ARK2C: variants seen among roughly 807,000 people sequenced by gnomAD.
The protein encoded by ARK2C is arkadia (RNF111) C-terminal like ring finger ubiquitin ligase 2C, also known as E3 ubiquitin-protein ligase ARK2C.
the ARK2C span, among the ~76,000 whole-genome samples, chr18:46,403,079 T>C: frequency 6.6e-6 from 1 of 152,216 alleles, no homozygotes; most frequent in Non-Finnish European, 1.5e-5. Context: ...CTCCAGCCCT[T>C]AGGCAGCCCC....
At chr18:46,361,535 C>T in the ARK2C span, among the ~76,000 whole-genome samples, 1 of 152,244 alleles carries the variant, frequency 6.6e-6, no homozygotes, top group Non-Finnish European at 1.5e-5. Context: ...CACACGGTTC[C>T]CCTCCACAGT....
chr18:46,375,830 T>C, the ARK2C span, among the ~76,000 whole-genome samples: 3 of 152,096 alleles, frequency 2.0e-5, no homozygotes, highest in Non-Finnish European at 4.4e-5. Context: ...GGACTCTGCT[T>C]ACATCAAACA....
chr18:46,414,550 C>T, the ARK2C span, among the ~76,000 whole-genome samples: 808 of 152,350 alleles, frequency 5.3e-3, 7 homozygotes, highest in African/African-American at 0.019. Context: ...CACATGAACA[C>T]GTTCACACAA....
At chr18:46,372,608 G>A in the ARK2C span, among the ~76,000 whole-genome samples, 1 of 152,206 alleles carries the variant, frequency 6.6e-6, no homozygotes, top group Non-Finnish European at 1.5e-5. Context: ...GCAGGTGTCT[G>A]GGTTCCAATG....
chr18:46,450,856 T>A, the ARK2C span: 1 of 1,292,512 alleles, frequency 7.7e-7, no homozygotes, highest in Non-Finnish European at 1.1e-6. Flanking sequence ...GGGGGTTGTC[T>A]AATTGACTCT....
chr18:46,360,348 G>T, the ARK2C span, among the ~76,000 whole-genome samples: 2 of 152,208 alleles, frequency 1.3e-5, no homozygotes, highest in African/African-American at 4.8e-5. Context: ...CCCTGCAACA[G>T]TGCAGGTGCT....
the ARK2C span, among the ~76,000 whole-genome samples, chr18:46,383,550 G>GTTTTTTTTTTTT: frequency 4.1e-5 from 4 of 97,890 alleles, 1 homozygote; most frequent in African/African-American, 1.2e-4. Context: ...GGTTTTCTCT[G>GTTTTTTTTTTTT]TTTTTTTTTT....
At chr18:46,363,673 T>TC in the ARK2C span, among the ~76,000 whole-genome samples, 9 of 152,166 alleles carry the variant, frequency 5.9e-5, no homozygotes, top group Non-Finnish European at 1.2e-4. Flanking sequence ...ATGGGAGACT[T>TC]ATGGGCTGCT....
the ARK2C span, among the ~76,000 whole-genome samples, chr18:46,337,826 G>T: frequency 7.2e-6 from 1 of 139,676 alleles, no homozygotes; most frequent in Non-Finnish European, 1.5e-5. Flanking sequence ...TTGTGGTACA[G>T]ATATGGTGAC....
the ARK2C span, among the ~76,000 whole-genome samples, chr18:46,339,599 AT>A: frequency 6.4e-4 from 98 of 152,324 alleles, no homozygotes; most frequent in Non-Finnish European, 1.0e-4. Flanking sequence ...TGACTTCAGG[AT>A]TTTGGAAACC....
the ARK2C span, among the ~76,000 whole-genome samples, chr18:46,354,379 T>C: frequency 2.0e-5 from 3 of 152,194 alleles, no homozygotes; most frequent in Non-Finnish European, 4.4e-5. Flanking sequence ...CCAGGGCCCA[T>C]GCACACACTC....
chr18:46,336,559 A>G, the ARK2C span: 2 of 985,488 alleles, frequency 2.0e-6, no homozygotes, highest in Non-Finnish European at 2.4e-6. Flanking sequence ...TAACTCAACA[A>G]GGTCCTAAAC....
the ARK2C span, among the ~76,000 whole-genome samples, chr18:46,354,219 C>A: frequency 6.6e-6 from 1 of 152,238 alleles, no homozygotes; most frequent in Admixed American, 6.5e-5. Context: ...GCACCAGAGA[C>A]AGGGGACACC....
At chr18:46,432,444 A>G in the ARK2C span, among the ~76,000 whole-genome samples, 1 of 152,104 alleles carries the variant, frequency 6.6e-6, no homozygotes, top group South Asian at 2.1e-4. Flanking sequence ...TTCTCTGGGA[A>G]TTAGGGCTCC....
At chr18:46,384,486 G>A in the ARK2C span, among the ~76,000 whole-genome samples, 1 of 152,122 alleles carries the variant, frequency 6.6e-6, no homozygotes, top group East Asian at 1.9e-4. Context: ...TTCCTCCCCT[G>A]AATCCCTTGC....
the ARK2C span, chr18:46,336,822 A>T: frequency 3.0e-6 from 3 of 985,436 alleles, no homozygotes; most frequent in Non-Finnish European, 3.6e-6. Context: ...GCTTCTTGGC[A>T]GCACCCAGGC....
chr18:46,436,199 CA>C, the ARK2C span, among the ~76,000 whole-genome samples: 1 of 152,198 alleles, frequency 6.6e-6, no homozygotes, highest in East Asian at 1.9e-4. Flanking sequence ...ATCATGCCTG[CA>C]GAGTTCAGGG....
the ARK2C span, among the ~76,000 whole-genome samples, chr18:46,358,734 C>T: frequency 5.9e-5 from 9 of 152,302 alleles, no homozygotes; most frequent in African/African-American, 2.4e-5. Flanking sequence ...CCTTCTTGTC[C>T]CTACACTGAC....
chr18:46,352,593 A>T, the ARK2C span, among the ~76,000 whole-genome samples: 1 of 152,146 alleles, frequency 6.6e-6, no homozygotes, highest in South Asian at 2.1e-4. Context: ...CCTCCCTAGG[A>T]TATGGCCCTT....
Sources: gnomAD v4.1 joint callset for allele counts (sites outside exome capture counted in the v4.1 genomes callset) on GRCh38, gnomAD v4.1.1 for gene constraint, MANE v1.5 for transcripts, NCBI Gene and HGNC (gene_info 2026-07-23, HGNC 2026-07-21) for gene names.